Variants in EIF2AK2 observed in about 807,000 individuals in gnomAD.
The protein encoded by EIF2AK2 is interferon-induced, double-stranded RNA-activated protein kinase.
EIF2AK2 carries 40 observed loss-of-function variants against 70.5 expected under a neutral mutation model. That is an observed-to-expected ratio of 0.57 (90% CI 0.44 to 0.74). EIF2AK2 has a LOEUF of 0.74. Ranked by LOEUF, EIF2AK2 falls within the 30% of genes least tolerant of loss-of-function variation. The probability of loss-of-function intolerance (pLI) is 0.00; values close to 1 mark genes in which losing one functional copy is unlikely to be tolerated. For missense variants in EIF2AK2, 555 were observed against 644.3 expected, an observed-to-expected ratio of 0.86 and a Z score of 1.50; for synonymous variants, 198 against 220.9, an observed-to-expected ratio of 0.90 and a Z score of 0.92.
chr2:37,115,027 T>G (rs1177558025), intron 13 of EIF2AK2, among the ~76,000 whole-genome samples, 168 bp from the exon 14 acceptor site: 1 of 151,304 alleles, frequency 6.6e-6, no homozygotes, highest in Non-Finnish European at 1.5e-5. Context: ...AAATGCCAGC[T>G]GAAAGAAGTC....
At chr2:37,121,617 A>ATTTTT (rs34031780) in intron 12 of EIF2AK2, among the ~76,000 whole-genome samples, 1 of 122,166 alleles carries the variant, frequency 8.2e-6, no homozygotes, top group African/African-American at 3.0e-5. Context: ...TGGAGGCTTG[A>ATTTTT]TTTTTTTTTT....
intron 4 of EIF2AK2, among the ~76,000 whole-genome samples, chr2:37,144,410 G>A (rs890026567): frequency 3.3e-5 from 5 of 150,258 alleles, no homozygotes; most frequent in South Asian, 4.2e-4. Context: ...CAGGTCCTTC[G>A]GTAGGTAATC....
At chr2:37,154,875 G>C (rs1675869378) in intron 1 of EIF2AK2, among the ~76,000 whole-genome samples, 1 of 151,854 alleles carries the variant, frequency 6.6e-6, no homozygotes, top group South Asian at 2.1e-4. Context: ...GTTTTCTTCT[G>C]TTCTGACAAG....
intron 14 of EIF2AK2, among the ~76,000 whole-genome samples, chr2:37,111,996 T>C (rs946489666): frequency 6.7e-6 from 1 of 149,786 alleles, no homozygotes; most frequent in Non-Finnish European, 1.5e-5. Flanking sequence ...AGGTAGGTTG[T>C]ATGATTGCCC....
Position 37,141,599 on chromosome 2 carries a change from T to C in EIF2AK2, c.343A>G (p.Thr115Ala), listed in dbSNP as rs768695981. Residue 115 changes from threonine to alanine, a missense_variant, in exon 5 of 17, where the codon ACT becomes GCT. Physicochemically the swap from Thr to Ala is moderately conservative, Grantham distance 58. Around this residue, in one of 3 missense-constraint regions of EIF2AK2, gnomAD observed 208 missense variants for 191.8 expected, o/e 1.08. Coordinates refer to ENST00000233057, the MANE Select transcript of EIF2AK2 (RefSeq NM_001135651.3). The stretch of plus-strand genomic sequence containing the variant: ...GATGCACACTGTTCATAATTTACAG[T>C]TAGTCTTTTCTTCTGGGCAATTCTA... ...INRIAQKKRLTVNYEQCASGV... is the reference protein window; with the variant it reads ...INRIAQKKRLAVNYEQCASGV... 5 of 1,614,024 alleles carry C rather than the reference T, an allele frequency of 3.1e-6. No homozygotes were observed. The highest frequency in any genetic ancestry group is 1.7e-5 in the Admixed American group (1 of 60,000).
chr2:37,118,187 A>G (rs1674412236), intron 13 of EIF2AK2, among the ~76,000 whole-genome samples: 1 of 151,650 alleles, frequency 6.6e-6, no homozygotes, highest in African/African-American at 2.4e-5. Context: ...GGTGGTGTAC[A>G]CCTGTGGTCC....
At chr2:37,120,538 AC>A (rs1558413177) in intron 12 of EIF2AK2, among the ~76,000 whole-genome samples, 1 of 142,612 alleles carries the variant, frequency 7.0e-6, no homozygotes, top group Non-Finnish European at 1.5e-5. Context: ...AAAAAAAAGA[AC>A]CCCAAAACAT....
intron 1 of EIF2AK2, among the ~76,000 whole-genome samples, chr2:37,155,491 A>T: frequency 6.6e-6 from 1 of 152,128 alleles, no homozygotes; most frequent in Non-Finnish European, 1.5e-5. Flanking sequence ...ATCTATCAGG[A>T]TCAACACAGC....
At chr2:37,124,411 G>A (rs1046795308) in intron 11 of EIF2AK2, among the ~76,000 whole-genome samples, 1 of 152,114 alleles carries the variant, frequency 6.6e-6, no homozygotes, top group African/African-American at 2.4e-5. Context: ...ACAGGCGTAC[G>A]CTGCCATGCC....
rs190721547 is a variant in EIF2AK2, at chr2:37,132,363, G to A, written c.785+3121C>T. Among the ~76,000 whole-genome samples the A allele has an allele frequency of 9.9e-3, 1,504 of 152,208 alleles. 26 individuals carry two copies. The highest frequency in any genetic ancestry group is 0.034 in the African/African-American group (1,407 of 41,514). On this transcript the variant is annotated intron_variant, in intron 10 of 16. Coordinates refer to ENST00000233057, the MANE Select transcript of EIF2AK2 (RefSeq NM_001135651.3). Reference sequence around the variant, plus strand: ...TCCCAACACTTTGGGAGGCTGAGGCGGGCGGATCACGAGGTCAGGAGTTTG... The same window carrying A: ...TCCCAACACTTTGGGAGGCTGAGGCAGGCGGATCACGAGGTCAGGAGTTTG...
At chr2:37,152,192 G>A (rs947696552) in intron 1 of EIF2AK2, among the ~76,000 whole-genome samples, 1 of 152,208 alleles carries the variant, frequency 6.6e-6, no homozygotes, top group African/African-American at 2.4e-5. Context: ...TTCCAGAATC[G>A]GTAAATCCAT....
At chr2:37,123,866 A>T (rs563881251) in intron 11 of EIF2AK2, among the ~76,000 whole-genome samples, 1 of 152,358 alleles carries the variant, frequency 6.6e-6, no homozygotes, top group African/African-American at 2.4e-5. Flanking sequence ...ATCATTTTAC[A>T]ATTTTATTTT....
Position 37,128,218 on chromosome 2 carries a change from G to A in EIF2AK2, c.786-1807C>T, listed in dbSNP as rs939263136. Among the ~76,000 whole-genome samples, 18 of 152,148 alleles carry A rather than the reference G, an allele frequency of 1.2e-4. No homozygotes were observed. In the East Asian group the frequency reaches 1.5e-3, roughly 13 times the overall value. On this transcript the variant is annotated intron_variant, in intron 10 of 16. Coordinates refer to ENST00000233057, the MANE Select transcript of EIF2AK2 (RefSeq NM_001135651.3). ...TTTAAAGTTTTATATTGAATGACCC[G>A]CCCCACTGATGCAAACAGGTCTCCA...
intron 9 of EIF2AK2, among the ~76,000 whole-genome samples, chr2:37,136,232 C>T (rs1428478631): frequency 2.0e-5 from 3 of 152,238 alleles, no homozygotes; most frequent in South Asian, 4.1e-4. Flanking sequence ...ACTTCCTTAA[C>T]ACCATTAGTG....
chr2:37,149,697 G>C (rs1675677396), intron 1 of EIF2AK2, among the ~76,000 whole-genome samples: 1 of 152,146 alleles, frequency 6.6e-6, no homozygotes, highest in South Asian at 2.1e-4. Flanking sequence ...ATAACTCTGA[G>C]TAATTACAGG....
Position 37,138,295 on chromosome 2 carries a change from C to T in EIF2AK2, c.662G>A (p.Ser221Asn). Residue 221 changes from serine (S) to asparagine (N), a missense_variant, in exon 8 of 17, where the codon AGT (serine) becomes AAT (asparagine). Physicochemically the swap from Ser to Asn is conservative, Grantham distance 46. Around this residue, in one of 3 missense-constraint regions of EIF2AK2, gnomAD observed 208 missense variants for 191.8 expected, o/e 1.08. Coordinates refer to ENST00000233057, the MANE Select transcript of EIF2AK2 (RefSeq NM_001135651.3). ...DTSEINSNSDSLNSSSLLMNG... is the reference protein window; with the variant it reads ...DTSEINSNSDNLNSSSLLMNG... The stretch of plus-strand genomic sequence containing the variant: ...CATAAGCAACGAAGAACTGTTTAAA[C>T]TGTCACTGTTAGAATTTATCTCTGA... 2 of 1,613,740 alleles carry T rather than the reference C, an allele frequency of 1.2e-6. No individual in the cohort carries two copies. The highest frequency in any genetic ancestry group is 1.3e-5 in the African/African-American group (1 of 75,040).
chr2:37,140,975 T>C (rs1675310356), intron 5 of EIF2AK2, among the ~76,000 whole-genome samples: 1 of 152,240 alleles, frequency 6.6e-6, no homozygotes, highest in Admixed American at 6.5e-5. Flanking sequence ...CTTTATCCTA[T>C]TTCCACACAT....
chr2:37,153,052 G>T (rs1251419568), intron 1 of EIF2AK2, among the ~76,000 whole-genome samples: 3 of 151,984 alleles, frequency 2.0e-5, no homozygotes, highest in Non-Finnish European at 4.4e-5. Context: ...CCTCATTCCT[G>T]GATTGCTGTG....
chr2:37,109,548 A>C, intron 14 of EIF2AK2: 1 of 370,896 alleles, frequency 2.7e-6, no homozygotes, highest in Non-Finnish European at 4.9e-6. Flanking sequence ...TATCAACCAC[A>C]GAGTTTGATT....
Sources: allele counts gnomAD v4.1 joint callset (sites outside exome capture counted in the v4.1 genomes callset), GRCh38; gene constraint gnomAD v4.1.1; regional missense constraint gnomAD v4.1.1; transcripts MANE v1.5; gene names NCBI Gene and HGNC (gene_info 2026-07-23, HGNC 2026-07-21).